Variants in AGAP1 observed in about 807,000 individuals in gnomAD.
AGAP1 encodes the protein arf-GAP with GTPase, ANK repeat and PH domain-containing protein 1.
Under a neutral mutation model 105.3 loss-of-function variants are expected in AGAP1, and 29 were observed. The observed-to-expected ratio is 0.28, with a 90% CI of 0.21 to 0.38. The LOEUF is 0.38. Among genes scored for constraint, AGAP1 ranks in the 10% least tolerant of loss-of-function variants. The pLI is 1.00. For missense variants in AGAP1, 998 were observed against 1,165.1 expected (o/e 0.86, Z 2.09); for synonymous variants, 509 against 485.9 (o/e 1.05, Z -0.63).
Position 235,865,777 on chromosome 2 carries a change from G to A in AGAP1, c.1051-17568G>A, listed in dbSNP as rs1030217984. Among the ~76,000 whole-genome samples, 4 of 152,166 alleles carry A rather than the reference G, an allele frequency of 2.6e-5. No individual in the cohort carries two copies. The highest frequency in any genetic ancestry group is 4.4e-5 in the Non-Finnish European group (3 of 68,030). ...GAGAAAGTTAAAAAGATTTAGTAGC[G>A]GCAGAGCTTGTGTCTGCTGGTCACA... On this transcript the variant is annotated intron_variant, in intron 9 of 17. Transcript: ENST00000304032. The surrounding 1 kb of genome is among the most constrained non-coding windows in gnomAD (Gnocchi z 6.2).
At chr2:236,059,581 G>A (rs1486886929) in intron 16 of AGAP1, among the ~76,000 whole-genome samples, 1 of 152,184 alleles carries the variant, frequency 6.6e-6, no homozygotes, top group East Asian at 1.9e-4. Flanking sequence ...GCAAAAGCAT[G>A]GTGATCCAAG....
rs2149307846 is a variant in AGAP1 at position 235,642,344 on chromosome 2, G to A, written c.164-66835G>A. On this transcript the variant is annotated intron_variant, in intron 1 of 17. Coordinates refer to ENST00000304032, the MANE Select transcript of AGAP1 (RefSeq NM_001037131.3). The surrounding 1 kb of genome is among the most constrained non-coding windows in gnomAD (Gnocchi z 4.1). ...TGCACTCAACCTCCTGGGACCTGGG[G>A]CTGCACCCACTGGCATTGATTAGAA... 6.6e-6 allele frequency among the ~76,000 whole-genome samples: 1 copy of A among 152,358 alleles called. No individual in the cohort carries two copies. The highest frequency in any genetic ancestry group is 3.4e-3 in the Middle Eastern group (1 of 294).
rs139162078 is a variant in AGAP1 at position 236,080,956 on chromosome 2, G to A, written c.2114+31675G>A. 6.6e-6 allele frequency among the ~76,000 whole-genome samples: 1 copy of A among 152,300 alleles called. No individual in the cohort carries two copies. The highest frequency in any genetic ancestry group is 1.9e-4 in the East Asian group (1 of 5,188). ...CAAGGGCCTTGTCTTAACCGTATCT[G>A]CAGTTAGGTTGCCATGTAAGGTCAC... On this transcript the variant is annotated intron_variant, in intron 16 of 17. Coordinates refer to ENST00000304032, the MANE Select transcript of AGAP1 (RefSeq NM_001037131.3). This position sits in a 1 kb window ranked among gnomAD's most constrained non-coding sequence, Gnocchi z 4.2.
intron 1 of AGAP1, among the ~76,000 whole-genome samples, chr2:235,501,986 T>C (rs1941580862): frequency 6.6e-6 from 1 of 152,216 alleles, no homozygotes; most frequent in African/African-American, 2.4e-5. Flanking sequence ...TTGCAGCATC[T>C]GTTATTTTTA....
intron 13 of AGAP1, among the ~76,000 whole-genome samples, chr2:236,019,229 A>T (rs1425447909): frequency 2.6e-5 from 4 of 152,148 alleles, no homozygotes. Flanking sequence ...CCCTGCTGGG[A>T]TGCGCCATTG....
At chr2:235,997,637 T>C (rs1053377078) in intron 13 of AGAP1, among the ~76,000 whole-genome samples, 9 of 152,190 alleles carry the variant, frequency 5.9e-5, no homozygotes, top group African/African-American at 1.9e-4. Flanking sequence ...AAGCTTTTGG[T>C]TTATTGTTTA....
At chr2:236,112,869 A>G (rs1002770555) in intron 16 of AGAP1, among the ~76,000 whole-genome samples, 1 of 152,200 alleles carries the variant, frequency 6.6e-6, no homozygotes, top group Admixed American at 6.5e-5. Flanking sequence ...GGCGGGGGCC[A>G]GATTGGGAGC....
intron 9 of AGAP1, among the ~76,000 whole-genome samples, chr2:235,878,207 A>T (rs1245645950): frequency 2.0e-5 from 3 of 152,214 alleles, no homozygotes; most frequent in Admixed American, 2.0e-4. Context: ...TCTTGGCCAG[A>T]AGTCACAAAC....
chr2:235,796,531 A>G (rs887562666), intron 6 of AGAP1, among the ~76,000 whole-genome samples: 2 of 152,186 alleles, frequency 1.3e-5, no homozygotes, highest in African/African-American at 4.8e-5. Context: ...GGATGTAACT[A>G]ATGAAGCTGC....
chr2:235,916,507 G>A (rs1486955429), intron 11 of AGAP1, among the ~76,000 whole-genome samples: 1 of 152,330 alleles, frequency 6.6e-6, no homozygotes, highest in Non-Finnish European at 1.5e-5. Flanking sequence ...TCACATTTAA[G>A]TAGAGAGCAG....
chr2:235,669,902 C>G (rs919993869), intron 1 of AGAP1: 2 of 147,872 alleles, frequency 1.4e-5, no homozygotes, highest in Non-Finnish European at 3.0e-5. Context: ...CGCCCCGGGC[C>G]CGGACCCCGG....
Position 235,967,503 on chromosome 2 carries a change from C to T in AGAP1, c.1484-959C>T, listed in dbSNP as rs139484850. 8.9e-4 allele frequency among the ~76,000 whole-genome samples: 136 copies of T among 152,286 alleles called. 1 individual carries two copies. The highest frequency in any genetic ancestry group is 8.0e-3 in the Admixed American group (122 of 15,290). ...GCAGGAATGTTTATCTGTTTCTCCT[C>T]GATCAATGATGGCTGCCAAGCATCT... On this transcript the variant is annotated intron_variant, in intron 12 of 17. Coordinates refer to ENST00000304032, the MANE Select transcript of AGAP1 (RefSeq NM_001037131.3). This position sits in a 1 kb window ranked among gnomAD's most constrained non-coding sequence, Gnocchi z 4.7.
chr2:235,758,592 C>G (rs1006262142), intron 6 of AGAP1, among the ~76,000 whole-genome samples: 2 of 152,052 alleles, frequency 1.3e-5, no homozygotes, highest in African/African-American at 4.8e-5. Flanking sequence ...TGTATTGGGA[C>G]AGTATGAAAG....
chr2:236,014,720 T>TA lies in AGAP1; in HGVS notation c.1646-21841_1646-21840insA. The TA allele has an allele frequency of 2.6e-6, 1 of 382,456 alleles. No homozygotes were observed. Among genetic ancestry groups the TA allele is most frequent in the South Asian group, 2.0e-5 (1 of 49,688 alleles). 23.7% of individuals were successfully genotyped at this position (382,456 alleles called of 1,614,324 possible). Reference sequence around the variant, plus strand: ...CAACGTCACGTGCTACTTTGACCTTTTTTTTTCTCCCCTTTTCATTTGTTT... The same window carrying TA: ...CAACGTCACGTGCTACTTTGACCTTTATTTTTTCTCCCCTTTTCATTTGTTT... On this transcript the variant is annotated intron_variant, in intron 13 of 17. Coordinates refer to ENST00000304032, the MANE Select transcript of AGAP1 (RefSeq NM_001037131.3). This position sits in a 1 kb window ranked among gnomAD's most constrained non-coding sequence, Gnocchi z 6.3.
In AGAP1 at chr2:235,659,918, G is replaced by A. The variant is rs923161781; in HGVS notation, c.164-49261G>A. Among the ~76,000 whole-genome samples the A allele has an allele frequency of 6.6e-6, 1 of 152,184 alleles. No homozygotes were observed. Among genetic ancestry groups the A allele is most frequent in the African/African-American group, 2.4e-5 (1 of 41,460 alleles). ...TTTGTGCACAATGGGCCTGGCATGG[G>A]CCCAGGCTGGTGGGGTGGGCAGGGA... On this transcript the variant is annotated intron_variant, in intron 1 of 17. Transcript: ENST00000304032. The surrounding 1 kb of genome is among the most constrained non-coding windows in gnomAD (Gnocchi z 5.0).
chr2:235,596,769 C>T lies in AGAP1; in HGVS notation c.163+101920C>T, dbSNP rs533269416. Among the ~76,000 whole-genome samples, 1 of 152,318 alleles carries T rather than the reference C, an allele frequency of 6.6e-6. No individual in the cohort carries two copies. The highest frequency in any genetic ancestry group is 2.1e-4 in the South Asian group (1 of 4,820). ...TGATGAGAAAAGCAATGATGTTTCC[C>T]AAGGCCGGGGCTGTCGACTGAATTG... On this transcript the variant is annotated intron_variant, in intron 1 of 17. Transcript: ENST00000304032. This position sits in a 1 kb window ranked among gnomAD's most constrained non-coding sequence, Gnocchi z 5.9.
At chr2:236,030,601 G>A (rs2125637512) in intron 13 of AGAP1, among the ~76,000 whole-genome samples, 1 of 152,332 alleles carries the variant, frequency 6.6e-6, no homozygotes, top group East Asian at 1.9e-4. Flanking sequence ...CAGGTTTTTA[G>A]CACTTTAGGC....
At chr2:235,802,801 T>G (rs1389410279) in intron 8 of AGAP1, among the ~76,000 whole-genome samples, 10 of 134,548 alleles carry the variant, frequency 7.4e-5, no homozygotes, top group East Asian at 4.6e-4. Flanking sequence ...TGATGATGGT[T>G]GTGGTGGTGG....
At position 236,096,171 on chromosome 2, in the gene AGAP1, C is replaced by T. The variant is rs533358914; in HGVS notation, c.2115-24021C>T. On this transcript the variant is annotated intron_variant, in intron 16 of 17. Transcript: ENST00000304032. The surrounding 1 kb of genome is among the most constrained non-coding windows in gnomAD (Gnocchi z 4.4). ...TTCATCCAGTAGGTAACTTCACTGG[C>T]TTCTTCACACAAATGTGGCTCTTCT... 2.6e-5 allele frequency among the ~76,000 whole-genome samples: 4 copies of T among 152,330 alleles called. No homozygotes were observed. Among genetic ancestry groups the T allele is most frequent in the African/African-American group, 7.2e-5 (3 of 41,574 alleles).
Sources: allele counts gnomAD v4.1 joint callset (sites outside exome capture counted in the v4.1 genomes callset), GRCh38; gene constraint gnomAD v4.1.1; non-coding constraint Gnocchi (gnomAD v3.1); transcripts MANE v1.5; gene names NCBI Gene and HGNC (gene_info 2026-07-23, HGNC 2026-07-21).